MYO16: variants seen among roughly 807,000 people sequenced by gnomAD.
MYO16 encodes the protein myosin XVI, also known as unconventional myosin-XVI.
MYO16 carries 94 observed loss-of-function variants against 205.3 expected under a neutral mutation model. That is an observed-to-expected ratio of 0.46 (90% CI 0.39 to 0.54). The LOEUF is 0.54. Among genes scored for constraint, MYO16 ranks in the 20% least tolerant of loss-of-function variants. The pLI, the probability that MYO16 is intolerant of heterozygous loss-of-function variation, is 0.00. For missense variants in MYO16, 2,315 were observed against 2,387.5 expected (o/e 0.97, Z 0.63); for synonymous variants, 988 against 954.0 (o/e 1.04, Z -0.66).
intron 4 of MYO16, among the ~76,000 whole-genome samples, chr13:108,764,898 A>G (rs1278442996): frequency 6.6e-6 from 1 of 152,184 alleles, no homozygotes; most frequent in Non-Finnish European, 1.5e-5. Flanking sequence ...ACACAACAGA[A>G]CAGTCATACA....
intron 16 of MYO16, among the ~76,000 whole-genome samples, chr13:108,912,527 A>T (rs965303579): frequency 1.3e-5 from 2 of 152,138 alleles, no homozygotes; most frequent in Non-Finnish European, 2.9e-5. Flanking sequence ...TATATTATAA[A>T]GGAGGAAATC....
At chr13:109,040,491 G>A (rs1366585122) in intron 23 of MYO16, among the ~76,000 whole-genome samples, 1 of 151,564 alleles carries the variant, frequency 6.6e-6, no homozygotes, top group Non-Finnish European at 1.5e-5. Flanking sequence ...ATAGAACTTA[G>A]CAATATATAA....
At position 109,206,937 on chromosome 13, in the gene MYO16, G is replaced by T. The variant is rs1456556002; in HGVS notation, c.*101G>T. ...GACATGCGCTGGGGCTTCTCTCCACGCATTTAGACAAAAAAAGCACAGGAC... is the reference window on the plus strand; with the variant it reads ...GACATGCGCTGGGGCTTCTCTCCACTCATTTAGACAAAAAAAGCACAGGAC... On this transcript the variant is annotated 3_prime_UTR_variant, in exon 35 of 35. Transcript: ENST00000457511. The T allele has an allele frequency of 1.0e-6, 1 of 992,488 alleles. No homozygotes were observed. Among genetic ancestry groups the T allele is most frequent in the African/African-American group, 1.6e-5 (1 of 61,364 alleles). 61.5% of individuals were successfully genotyped at this position (992,488 alleles called of 1,614,324 possible).
intron 1 of MYO16, among the ~76,000 whole-genome samples, chr13:108,619,333 A>T (rs1236352882): frequency 6.6e-6 from 1 of 152,170 alleles, no homozygotes; most frequent in African/African-American, 2.4e-5. Context: ...TAGCTACTTC[A>T]CGAGACTCTA....
rs868691459 is a variant in MYO16 at position 108,952,518 on chromosome 13, G to A, written c.1926-5170G>A. ...GGAAGTGCCTCAAAAACACCCAGTGGAGAATTTGGCCCATCAGTATCAAGA... is the reference window on the plus strand; with the variant it reads ...GGAAGTGCCTCAAAAACACCCAGTGAAGAATTTGGCCCATCAGTATCAAGA... On this transcript the variant is annotated intron_variant, in intron 16 of 34. Coordinates refer to ENST00000457511, the MANE Select transcript of MYO16 (RefSeq NM_001198950.3). 2.8e-4 allele frequency among the ~76,000 whole-genome samples: 42 copies of A among 152,298 alleles called. 2 individuals are homozygous for A. Among genetic ancestry groups the A allele is most frequent in the African/African-American group, 9.9e-4 (41 of 41,554 alleles).
At chr13:108,768,655 A>G (rs551099563) in intron 4 of MYO16, among the ~76,000 whole-genome samples, 2 of 152,304 alleles carry the variant, frequency 1.3e-5, no homozygotes, top group East Asian at 1.9e-4. Flanking sequence ...ATATTTTCCA[A>G]TATACGTCTT....
intron 7 of MYO16, among the ~76,000 whole-genome samples, chr13:108,807,586 A>T (rs1887153898): frequency 6.6e-6 from 1 of 151,864 alleles, no homozygotes; most frequent in Admixed American, 6.6e-5. Context: ...TTGAGTCTTG[A>T]TGGATTGTAT....
At chr13:108,831,302 T>C (rs557384329) in intron 9 of MYO16, among the ~76,000 whole-genome samples, 27 of 152,214 alleles carry the variant, frequency 1.8e-4, no homozygotes, top group Non-Finnish European at 2.9e-4. Flanking sequence ...AATTTGAATT[T>C]GTAATTTAAA....
At chr13:108,636,796 T>C (rs1047362326) in intron 1 of MYO16, among the ~76,000 whole-genome samples, 2 of 152,188 alleles carry the variant, frequency 1.3e-5, no homozygotes, top group Non-Finnish European at 2.9e-5. Flanking sequence ...ACTAAATAAA[T>C]TAGTTTCAAT....
intron 16 of MYO16, among the ~76,000 whole-genome samples, chr13:108,944,070 A>T (rs895412435): frequency 6.6e-6 from 1 of 152,232 alleles, no homozygotes; most frequent in Non-Finnish European, 1.5e-5. Flanking sequence ...AGCACAGCAC[A>T]TGAGGCTGAA....
chr13:108,869,430 A>C (rs1266582618), intron 12 of MYO16, among the ~76,000 whole-genome samples: 1 of 151,984 alleles, frequency 6.6e-6, no homozygotes, highest in Non-Finnish European at 1.5e-5. Flanking sequence ...AACAGTTTAA[A>C]AAATCTTACC....
chr13:108,845,879 A>AT (rs36012072), intron 10 of MYO16, among the ~76,000 whole-genome samples: 29 of 148,902 alleles, frequency 1.9e-4, no homozygotes, highest in South Asian at 1.1e-3. Context: ...ATTCTCTGCC[A>AT]TTTTTTTTTT....
Position 109,140,926 on chromosome 13 carries a change from G to T in MYO16, c.4714G>T (p.Gly1572Cys). Residue 1572 changes from glycine (G) to cysteine (C), a missense_variant, in exon 32 of 35, where the codon GGC (glycine) becomes TGC (cysteine). Transcript: ENST00000457511. The surrounding 1 kb of genome is among the most constrained non-coding windows in gnomAD (Gnocchi z 8.0). ...GTACTCCAAGAGCCAGAAGGGCGAC[G>T]GCGACAGGCCCGCGTCCCCCGGCCT... ...PQYSKSQKGD[G>C]DRPASPGLAL... 1.3e-6 allele frequency: 2 copies of T among 1,567,404 alleles called. No individual in the cohort carries two copies. Among genetic ancestry groups the T allele is most frequent in the Non-Finnish European group, 8.6e-7 (1 of 1,159,560 alleles).
At chr13:108,893,234 T>C (rs565171121) in intron 14 of MYO16, among the ~76,000 whole-genome samples, 1 of 152,302 alleles carries the variant, frequency 6.6e-6, no homozygotes, top group African/African-American at 2.4e-5. Flanking sequence ...AAGCATTGAA[T>C]ACATTTTTTA....
chr13:108,651,815 G>A (rs1468100948), intron 1 of MYO16, among the ~76,000 whole-genome samples: 2 of 151,860 alleles, frequency 1.3e-5, no homozygotes, highest in African/African-American at 4.8e-5. Flanking sequence ...ATATTTTAGG[G>A]CATAGCGTCT....
intron 27 of MYO16, among the ~76,000 whole-genome samples, chr13:109,089,188 C>CATCATTATTATT (rs1314918977): frequency 6.1e-5 from 9 of 147,824 alleles, no homozygotes; most frequent in African/African-American, 7.5e-5. Flanking sequence ...TTGTTTTCTG[C>CATCATTATTATT]ATTATTATTA....
chr13:108,729,331 A>G (rs2139587984), intron 4 of MYO16, among the ~76,000 whole-genome samples: 1 of 152,296 alleles, frequency 6.6e-6, no homozygotes, highest in East Asian at 1.9e-4. Context: ...AACTTTAGAC[A>G]TCTTTAGAAT....
intron 2 of MYO16, among the ~76,000 whole-genome samples, chr13:108,681,472 G>T (rs562022807): frequency 7.5e-4 from 114 of 152,264 alleles, no homozygotes; most frequent in Admixed American, 3.5e-3. Flanking sequence ...TGGCATATAT[G>T]TGCCCAGAAT....
rs527891766 is a variant in MYO16 at position 109,074,620 on chromosome 13, G to C, written c.3335+19025G>C. 2.0e-5 allele frequency among the ~76,000 whole-genome samples: 3 copies of C among 152,252 alleles called. No individual in the cohort carries two copies. The South Asian group carries it at 6.2e-4, about 32-fold the overall frequency. On this transcript the variant is annotated intron_variant, in intron 27 of 34. Coordinates refer to ENST00000457511, the MANE Select transcript of MYO16 (RefSeq NM_001198950.3). Reference sequence around the variant, plus strand: ...GTGAGAACTCAACATCAGGGGAACAGCATGGGGAACATCCACACTTACACC... The same window carrying C: ...GTGAGAACTCAACATCAGGGGAACACCATGGGGAACATCCACACTTACACC...
Sources: gnomAD v4.1 joint callset for allele counts (sites outside exome capture counted in the v4.1 genomes callset) on GRCh38, gnomAD v4.1.1 for gene constraint, Gnocchi (gnomAD v3.1) non-coding constraint, MANE v1.5 for transcripts, NCBI Gene and HGNC (gene_info 2026-07-23, HGNC 2026-07-21) for gene names.